Variants in NAV3 observed in about 807,000 individuals in gnomAD.
NAV3 encodes pore membrane and/or filament interacting like protein 1.
In NAV3, 87 loss-of-function variants were observed where a neutral mutation model predicts 244.7. That is an observed-to-expected ratio of 0.36 (90% CI 0.30 to 0.42). NAV3 has a LOEUF of 0.42. Among genes scored for constraint, NAV3 ranks in the 20% least tolerant of loss-of-function variants. The pLI, the probability that NAV3 is intolerant of heterozygous loss-of-function variation, is 1.00. For missense variants in NAV3, 2,663 were observed against 2,893.3 expected (o/e 0.92, Z 1.83); for synonymous variants, 1,126 against 1,042.2 (o/e 1.08, Z -1.55).
At chr12:77,711,168 C>A (rs906842144) in intron 2 of NAV3, among the ~76,000 whole-genome samples, 1 of 152,098 alleles carries the variant, frequency 6.6e-6, no homozygotes, top group African/African-American at 2.4e-5. Context: ...AATATCAGAC[C>A]CACTTAGATT....
chr12:78,038,659 A>C (rs940127343), intron 9 of NAV3, among the ~76,000 whole-genome samples: 4 of 152,178 alleles, frequency 2.6e-5, no homozygotes, highest in Non-Finnish European at 4.4e-5. Flanking sequence ...CCATTGTGTG[A>C]TTTCTGTGAT....
At chr12:78,097,502 T>A (rs1195430904) in intron 12 of NAV3, among the ~76,000 whole-genome samples, 1 of 152,196 alleles carries the variant, frequency 6.6e-6, no homozygotes, top group Non-Finnish European at 1.5e-5. Flanking sequence ...CATCTAGAGA[T>A]ATTCACTTAC....
chr12:78,069,889 T>A (rs888849567), intron 12 of NAV3, among the ~76,000 whole-genome samples: 1 of 152,106 alleles, frequency 6.6e-6, no homozygotes, highest in African/African-American at 2.4e-5. Flanking sequence ...AATTTTTAGA[T>A]TTTTAATTTC....
chr12:77,634,186 A>G (rs1266664877), intron 2 of NAV3, among the ~76,000 whole-genome samples: 1 of 151,902 alleles, frequency 6.6e-6, no homozygotes, highest in Non-Finnish European at 1.5e-5. Context: ...GACACTGTTA[A>G]ATAGCTTAAC....
chr12:77,792,562 T>A (rs2135947217), intron 2 of NAV3, among the ~76,000 whole-genome samples: 1 of 152,328 alleles, frequency 6.6e-6, no homozygotes, highest in Non-Finnish European at 1.5e-5. Context: ...ATATCAAGCA[T>A]GGCTAAGGGA....
At chr12:77,969,033 C>T (rs1892760163) in intron 5 of NAV3, among the ~76,000 whole-genome samples, 2 of 152,050 alleles carry the variant, frequency 1.3e-5, no homozygotes, top group Admixed American at 6.6e-5. Flanking sequence ...GAGTCCTAGT[C>T]TCCTGTCATG....
chr12:77,961,058 C>A, intron 3 of NAV3, among the ~76,000 whole-genome samples: 1 of 141,320 alleles, frequency 7.1e-6, no homozygotes, highest in African/African-American at 2.6e-5. Context: ...GTATATGTTG[C>A]ATGTATACGC....
At chr12:77,860,296 A>G (rs907854229) in intron 1 of NAV3, among the ~76,000 whole-genome samples, 2 of 150,410 alleles carry the variant, frequency 1.3e-5, no homozygotes, top group African/African-American at 2.4e-5. Context: ...ACTTTTATAT[A>G]TAATATATAC....
intron 1 of NAV3, among the ~76,000 whole-genome samples, chr12:77,837,178 C>T (rs78905634): frequency 0.016 from 2,355 of 150,960 alleles, 26 homozygotes; most frequent in Non-Finnish European, 0.021. Flanking sequence ...AGATAGGACT[C>T]AGATATATAG....
At chr12:77,784,366 G>A (rs1870808576) in intron 2 of NAV3, among the ~76,000 whole-genome samples, 1 of 152,120 alleles carries the variant, frequency 6.6e-6, no homozygotes, top group Non-Finnish European at 1.5e-5. Context: ...TCACATCAAA[G>A]TCATGTAGAA....
intron 1 of NAV3, among the ~76,000 whole-genome samples, chr12:77,837,542 G>A (rs925825999): frequency 1.3e-5 from 2 of 152,138 alleles, no homozygotes; most frequent in Non-Finnish European, 1.5e-5. Context: ...TACAGATGGA[G>A]AAACTGCAGC....
intron 2 of NAV3, among the ~76,000 whole-genome samples, chr12:77,586,122 A>G (rs1869600421): frequency 2.0e-5 from 3 of 152,052 alleles, no homozygotes. Context: ...AGATCGCGCC[A>G]CTGCACTCCA....
At position 78,080,921 on chromosome 12, in the gene NAV3, G is replaced by A. The variant is rs1953313537; in HGVS notation, c.2636+21806G>A. Among the ~76,000 whole-genome samples the A allele has an allele frequency of 2.0e-5, 3 of 152,232 alleles. No homozygotes were observed. In the East Asian group the frequency reaches 5.8e-4, roughly 29 times the overall value. ...CACATGCATTTGATAATAACAAGTA[G>A]GATAATTCAAAATCCTGTCAACCAC... On this transcript the variant is annotated intron_variant, in intron 12 of 39. Transcript: ENST00000397909.
intron 2 of NAV3, among the ~76,000 whole-genome samples, chr12:77,608,796 G>T (rs1232073073): frequency 6.6e-6 from 1 of 151,940 alleles, no homozygotes. Context: ...GGCATGCAGT[G>T]TGACACAGGA....
intron 11 of NAV3, among the ~76,000 whole-genome samples, chr12:78,051,548 T>C (rs894819851): frequency 1.4e-4 from 21 of 152,114 alleles, no homozygotes; most frequent in African/African-American, 4.3e-4. Context: ...GAGAAACAAA[T>C]ATTTTCTTAC....
At position 78,175,300 on chromosome 12, in the gene NAV3, T is replaced by C; in HGVS notation, c.4982-6T>C. 1 of 1,610,076 alleles carries C rather than the reference T, an allele frequency of 6.2e-7. No homozygotes were observed. The highest frequency in any genetic ancestry group is 8.5e-7 in the Non-Finnish European group (1 of 1,177,428). On this transcript the variant is annotated splice_polypyrimidine_tract_variant and splice_region_variant and intron_variant, in intron 24 of 39. Transcript: ENST00000397909. The stretch of plus-strand genomic sequence containing the variant: ...AGCCGATGTGATACTCTCCCTCTAT[T>C]GCTAGATCTTCGCATCAGAAGACAG...
chr12:77,586,664 A>G (rs1407446133), intron 2 of NAV3, among the ~76,000 whole-genome samples: 2 of 152,224 alleles, frequency 1.3e-5, no homozygotes, highest in Non-Finnish European at 2.9e-5. Flanking sequence ...GATTTGAAAG[A>G]TCTTTTCGTG....
In NAV3 at chr12:78,064,426, T is replaced by TCTGTCTGC. The variant is rs66686266; in HGVS notation, c.2636+5314_2636+5315insTCTGCCTG. Among the ~76,000 whole-genome samples the TCTGTCTGC allele has an allele frequency of 7.1e-3, 966 of 136,226 alleles. 5 individuals carry two copies. Among genetic ancestry groups the TCTGTCTGC allele is most frequent in the South Asian group, 0.011 (43 of 3,810 alleles). The allele number at this position is 136,226 out of a possible 152,430, so 89.4% of individuals were successfully genotyped here. ...GTCTGTCTGTCTGTCTGTCTGTCTG[T>TCTGTCTGC]CTGCCTGCCTGCCTGCCTGCCTGCC... On this transcript the variant is annotated intron_variant, in intron 12 of 39. Coordinates refer to ENST00000397909, the MANE Select transcript of NAV3 (RefSeq NM_001024383.2).
chr12:78,076,287 T>G (rs1953046964), intron 12 of NAV3, among the ~76,000 whole-genome samples: 1 of 152,176 alleles, frequency 6.6e-6, no homozygotes, highest in South Asian at 2.1e-4. Context: ...TATCTCTTAT[T>G]TATCCTCCAA....
Sources: gnomAD v4.1 joint callset for allele counts (sites outside exome capture counted in the v4.1 genomes callset) on GRCh38, gnomAD v4.1.1 for gene constraint, MANE v1.5 for transcripts, NCBI Gene and HGNC (gene_info 2026-07-23, HGNC 2026-07-21) for gene names.